Variants in ATP13A4 observed in about 807,000 individuals in gnomAD.
ATP13A4 encodes ATPase 13A4, also known as probable cation-transporting ATPase 13A4.
ATP13A4 carries 114 observed loss-of-function variants against 142.5 expected under a neutral mutation model. The ratio of observed to expected loss-of-function variants is 0.80; its 90% confidence interval spans 0.69 to 0.93. The LOEUF (loss-of-function observed/expected upper bound fraction) is 0.93, where lower values mean the gene tolerates loss of function less well. Among genes scored for constraint, ATP13A4 ranks in the 40% least tolerant of loss-of-function variants. ATP13A4 has a pLI of 0.00. For missense variants in ATP13A4, 1,392 were observed against 1,454.0 expected (o/e 0.96, Z 0.69); for synonymous variants, 488 against 514.8 (o/e 0.95, Z 0.70).
intron 25 of ATP13A4, among the ~76,000 whole-genome samples, chr3:193,432,673 A>G (rs997697415): frequency 2.0e-5 from 3 of 152,078 alleles, no homozygotes; most frequent in Non-Finnish European, 4.4e-5. Context: ...ACTATATAAC[A>G]TTCTAGAAAA....
At chr3:193,502,210 T>A (rs1291312638) in intron 3 of ATP13A4, among the ~76,000 whole-genome samples, 1 of 152,248 alleles carries the variant, frequency 6.6e-6, no homozygotes, top group Non-Finnish European at 1.5e-5. Flanking sequence ...TACTTTAATC[T>A]TTGTATTTCT....
intron 1 of ATP13A4, among the ~76,000 whole-genome samples, chr3:193,527,105 C>CA (rs1453792790): frequency 1.3e-5 from 2 of 152,058 alleles, no homozygotes; most frequent in Non-Finnish European, 2.9e-5. Context: ...TAGGAAAAAG[C>CA]AAAAATCAGT....
intron 2 of ATP13A4, among the ~76,000 whole-genome samples, chr3:193,580,829 G>GA (rs774080393): frequency 6.6e-6 from 1 of 152,070 alleles, no homozygotes; most frequent in South Asian, 2.1e-4. Flanking sequence ...AAAACAGAAA[G>GA]AAAAAACTAA....
intron 7 of ATP13A4, among the ~76,000 whole-genome samples, chr3:193,485,618 A>T (rs1022774835): frequency 1.4e-4 from 21 of 152,144 alleles, no homozygotes; most frequent in African/African-American, 3.9e-4. Context: ...TGACATAGAA[A>T]TTTTTTAAAA....
intron 18 of ATP13A4, among the ~76,000 whole-genome samples, chr3:193,443,238 A>C (rs532505456): frequency 7.0e-4 from 107 of 152,290 alleles, no homozygotes; most frequent in African/African-American, 2.4e-3. Context: ...GAAAGGAGAG[A>C]GCCAGACACA....
intron 1 of ATP13A4, among the ~76,000 whole-genome samples, chr3:193,536,860 C>A (rs771615072): frequency 1.1e-4 from 16 of 151,948 alleles, no homozygotes; most frequent in African/African-American, 3.9e-4. Flanking sequence ...AATACTACTA[C>A]AATCACTCCA....
Position 193,457,460 on chromosome 3 carries a change from C to T in ATP13A4, c.1680G>A (p.Met560Ile), listed in dbSNP as rs781518024. ...TGTGGAAATCGTCCCCAGAAAAAGC[C>T]ATTTCCTATTTCACAAATAGGATAT... ...LKMFEATTWEMAFSGDDFHIK... is the reference protein window; with the variant it reads ...LKMFEATTWEIAFSGDDFHIK... Residue 560 changes from methionine to isoleucine, a missense_variant, in exon 15 of 30, where the codon ATG (methionine) becomes ATA (isoleucine). By Grantham distance (10) the Met-to-Ile change is conservative (BLOSUM62 1). Transcript: ENST00000342695. 6.2e-7 allele frequency: 1 copy of T among 1,613,626 alleles called. No individual in the cohort carries two copies. Among genetic ancestry groups the T allele is most frequent in the South Asian group, 1.1e-5 (1 of 91,080 alleles).
intron 9 of ATP13A4, among the ~76,000 whole-genome samples, chr3:193,470,146 A>G (rs1718536245): frequency 6.6e-6 from 1 of 152,206 alleles, no homozygotes; most frequent in Non-Finnish European, 1.5e-5. Flanking sequence ...GAAACATTTT[A>G]TGATTCTTCT....
intron 28 of ATP13A4, among the ~76,000 whole-genome samples, chr3:193,408,834 C>A (rs1296202614): frequency 6.6e-6 from 1 of 152,184 alleles, no homozygotes. Flanking sequence ...CAGTGTGATG[C>A]CTCTCCCCAC....
chr3:193,563,521 G>C (rs1036578154), intron 2 of ATP13A4, among the ~76,000 whole-genome samples: 8 of 152,194 alleles, frequency 5.3e-5, no homozygotes, highest in Non-Finnish European at 1.0e-4. Flanking sequence ...AGCCAGGTGA[G>C]GTGGCACATG....
At position 193,571,278 on chromosome 3, in the gene ATP13A4, C is replaced by CAAAAAAAAAAA. The variant is rs57432082; in HGVS notation, n.291+10418_291+10428dup. On this transcript the variant is annotated intron_variant and non_coding_transcript_variant, in intron 2 of 3. Transcript: ENST00000489140. ...TGGGTGACAAAGCAAGACCTTGTCT[C>CAAAAAAAAAAA]AAAAAAAAAAAAAGAAATATCCATG... 1.2e-3 allele frequency among the ~76,000 whole-genome samples: 116 copies of CAAAAAAAAAAA among 95,448 alleles called. 3 individuals carry two copies. Among genetic ancestry groups the CAAAAAAAAAAA allele is most frequent in the African/African-American group, 1.8e-3 (36 of 19,882 alleles). The allele number at this position is 95,448 out of a possible 152,430, so 62.6% of individuals were successfully genotyped here. A position where few individuals can be genotyped will look rare whatever the true frequency, so the allele number is the denominator to read the frequency against.
chr3:193,505,922 T>G (rs1404180786), intron 2 of ATP13A4, among the ~76,000 whole-genome samples: 3 of 152,186 alleles, frequency 2.0e-5, no homozygotes, highest in African/African-American at 7.2e-5. Context: ...CTAATTTTCT[T>G]TATTTAGAAA....
At chr3:193,452,078 A>G (rs1294155966) in intron 17 of ATP13A4, among the ~76,000 whole-genome samples, 1 of 152,220 alleles carries the variant, frequency 6.6e-6, no homozygotes, top group Non-Finnish European at 1.5e-5. Flanking sequence ...GTGTCTCCAC[A>G]GTAAGTGCTT....
rs575846780 is a variant in ATP13A4 at position 193,479,966 on chromosome 3, CACTT to C, written c.808+3966_808+3969del. Among the ~76,000 whole-genome samples the C allele has an allele frequency of 1.1e-4, 17 of 152,206 alleles. No homozygotes were observed. In the East Asian group the frequency reaches 3.1e-3, roughly 28 times the overall value. On this transcript the variant is annotated intron_variant, in intron 8 of 29. Transcript: ENST00000342695. Reference sequence around the variant, plus strand: ...TAGAGAACTTAGAAATAAAGCCAAACACTTACAGCCAACTGATCTTTGACAAAGC... The same window carrying C: ...TAGAGAACTTAGAAATAAAGCCAAACACAGCCAACTGATCTTTGACAAAGC...
At chr3:193,500,245 C>T (rs919290778) in intron 3 of ATP13A4, among the ~76,000 whole-genome samples, 5 of 152,114 alleles carry the variant, frequency 3.3e-5, no homozygotes, top group South Asian at 2.1e-4. Context: ...TTCCTCTCCC[C>T]GGGCTTTCTG....
rs3052495 is a variant in ATP13A4, at chr3:193,471,674, T to TCACACA, written c.809-687_809-682dup. ...AGCAAAATTGCTAGATATTGTCACTTCACACACACACACACACACAAACAC... is the reference window on the plus strand; with the variant it reads ...AGCAAAATTGCTAGATATTGTCACTTCACACACACACACACACACACACACAAACAC... On this transcript the variant is annotated intron_variant, in intron 8 of 29. Transcript: ENST00000342695. 5.4e-3 allele frequency among the ~76,000 whole-genome samples: 810 copies of TCACACA among 150,636 alleles called. 5 individuals carry two copies. Among genetic ancestry groups the TCACACA allele is most frequent in the African/African-American group, 0.013 (517 of 41,134 alleles).
At chr3:193,444,476 C>G (rs991722318) in intron 18 of ATP13A4, among the ~76,000 whole-genome samples, 2 of 152,116 alleles carry the variant, frequency 1.3e-5, no homozygotes, top group Admixed American at 6.5e-5. Flanking sequence ...GGAAATGATA[C>G]CAGATGTTAA....
chr3:193,407,385 G>A lies in ATP13A4; in HGVS notation c.3306C>T (p.Cys1102=). ...TGGAGGCCCTCCACAGGACGGGAGT[G>A]CAGAGCAGCTGGCGGGAGATGATGA... The part of the protein sequence containing the change: ...PELYRRLDLL[C]TPVLWRASIV... Residue 1102 remains cysteine (C), a synonymous_variant, in exon 29 of 30, where the codon TGC becomes TGT. Transcript: ENST00000342695. The A allele has an allele frequency of 6.2e-7, 1 of 1,612,874 alleles. No homozygotes were observed. The highest frequency in any genetic ancestry group is 1.1e-5 in the South Asian group (1 of 91,056).
At chr3:193,428,446 T>TTAA (rs1715792722) in intron 25 of ATP13A4, among the ~76,000 whole-genome samples, 1 of 152,154 alleles carries the variant, frequency 6.6e-6, no homozygotes, top group African/African-American at 2.4e-5. Flanking sequence ...ACTGGGTATA[T>TTAA]ACCCAAAGGA....
Sources: gnomAD v4.1 joint callset for allele counts (sites outside exome capture counted in the v4.1 genomes callset) on GRCh38, gnomAD v4.1.1 for gene constraint, MANE v1.5 for transcripts, NCBI Gene and HGNC (gene_info 2026-07-23, HGNC 2026-07-21) for gene names.